ARID1B: variants seen among roughly 807,000 people sequenced by gnomAD.
ARID1B encodes the protein AT-rich interactive domain-containing protein 1B.
In ARID1B, 30 loss-of-function variants were observed where a neutral mutation model predicts 212.3. The ratio of observed to expected loss-of-function variants is 0.14; its 90% CI spans 0.11 to 0.19. ARID1B has a LOEUF of 0.19. Among genes scored for constraint, ARID1B ranks in the 10% least tolerant of loss-of-function variants. The pLI, the probability that ARID1B is intolerant of heterozygous loss-of-function variation, is 1.00. For missense variants in ARID1B, 2,891 were observed against 3,204.0 expected, an observed-to-expected ratio of 0.90 and a Z score of 2.36; for synonymous variants, 1,402 against 1,301.7, an observed-to-expected ratio of 1.08 and a Z score of -1.66.
chr6:157,057,183 A>T (rs1783020242), intron 4 of ARID1B, among the ~76,000 whole-genome samples: 1 of 151,632 alleles, frequency 6.6e-6, no homozygotes, highest in Non-Finnish European at 1.5e-5. Flanking sequence ...TTTTTATTAG[A>T]GATGGGTTTT....
At chr6:156,807,138 A>ACCC (rs58976876) in intron 1 of ARID1B, among the ~76,000 whole-genome samples, 1 of 146,412 alleles carries the variant, frequency 6.8e-6, no homozygotes, top group African/African-American at 2.5e-5. Flanking sequence ...AGTATTGTGC[A>ACCC]CCCCCCCACG....
At chr6:156,889,028 A>G (rs1787731527) in intron 2 of ARID1B, among the ~76,000 whole-genome samples, 1 of 152,152 alleles carries the variant, frequency 6.6e-6, no homozygotes, top group African/African-American at 2.4e-5. Context: ...ATATTATTAT[A>G]TCAATAAGGC....
In ARID1B at chr6:157,207,852, T is replaced by C. The variant is rs760120788; in HGVS notation, c.7080T>C (p.Ser2360=). 5.9e-6 allele frequency: 9 copies of C among 1,514,924 alleles called. No homozygotes were observed. The South Asian group carries it at 1.2e-4, about 20-fold the overall frequency. The allele number at this position is 1,514,924 out of a possible 1,614,324, so 93.8% of individuals were successfully genotyped here. ...CTGTCCTGAACTCTCTGGTTGCATCTGTCATCTGTGATGTACTGTTTCAGA... is the reference window on the plus strand; with the variant it reads ...CTGTCCTGAACTCTCTGGTTGCATCCGTCATCTGTGATGTACTGTTTCAGA... ...ISAVLNSLVA[S]VICDVLFQIG... Residue 2360 remains serine (S), a synonymous_variant, in exon 20 of 20, where the codon TCT becomes TCC. Transcript: ENST00000636930. The surrounding 1 kb of genome is among the most constrained non-coding windows in gnomAD (Gnocchi z 8.5).
intron 1 of ARID1B, among the ~76,000 whole-genome samples, chr6:156,795,321 T>C (rs2115257199): frequency 6.6e-6 from 1 of 151,606 alleles, no homozygotes; most frequent in Non-Finnish European, 1.5e-5. Flanking sequence ...TCCGAGGAAG[T>C]GGGAAGAGAG....
At chr6:157,083,812 A>G (rs76986646) in intron 4 of ARID1B, among the ~76,000 whole-genome samples, 4,977 of 152,236 alleles carry the variant, frequency 0.033, 269 homozygotes, top group African/African-American at 0.11. Context: ...TACACACATT[A>G]TTATTTTCTT....
At chr6:156,909,136 T>C (rs2128223277) in intron 3 of ARID1B, among the ~76,000 whole-genome samples, 1 of 144,332 alleles carries the variant, frequency 6.9e-6, no homozygotes, top group South Asian at 2.3e-4. Flanking sequence ...TTTTTTTTTT[T>C]TTTTTTTGAG....
chr6:156,889,246 A>C lies in ARID1B; in HGVS notation c.1987-12130A>C, dbSNP rs562062238. On this transcript the variant is annotated intron_variant, in intron 2 of 19. Coordinates refer to ENST00000636930, the MANE Select transcript of ARID1B (RefSeq NM_001374828.1). ...AGATTTGTCATCCCTTGTATTAAAC[A>C]AATGCTCTTCTCTCAGAAGCTGCGG... Among the ~76,000 whole-genome samples, 72 of 152,364 alleles carry C rather than the reference A, an allele frequency of 4.7e-4. 1 individual carries two copies. The South Asian group carries it at 0.014, about 31-fold the overall frequency.
chr6:156,938,078 G>A (rs1403171582), intron 4 of ARID1B: 1 of 151,846 alleles, frequency 6.6e-6, no homozygotes, highest in South Asian at 2.1e-4. Context: ...CAATCTGTTA[G>A]GATGAAATTT....
At chr6:157,060,414 A>G (rs942351605) in intron 4 of ARID1B, among the ~76,000 whole-genome samples, 2 of 152,322 alleles carry the variant, frequency 1.3e-5, no homozygotes, top group African/African-American at 4.8e-5. Flanking sequence ...AAACACGAAC[A>G]TTACATACTT....
At chr6:157,202,581 G>C (rs1216358516) in intron 18 of ARID1B, among the ~76,000 whole-genome samples, 1 of 151,964 alleles carries the variant, frequency 6.6e-6, no homozygotes, top group Non-Finnish European at 1.5e-5. Flanking sequence ...CAGCTATTCA[G>C]GAGGCTGAGG....
At chr6:156,906,464 G>A (rs1277872369) in intron 3 of ARID1B, among the ~76,000 whole-genome samples, 1 of 137,372 alleles carries the variant, frequency 7.3e-6, no homozygotes, top group African/African-American at 2.7e-5. Flanking sequence ...AGAATCGCTT[G>A]AACCCGGGAG....
intron 6 of ARID1B, among the ~76,000 whole-genome samples, chr6:157,112,842 G>A (rs564471300): frequency 2.0e-5 from 3 of 151,980 alleles, no homozygotes; most frequent in East Asian, 1.9e-4. Flanking sequence ...TTTTTCCTTC[G>A]ATTGCCTTTA....
chr6:157,105,380 G>A lies in ARID1B; in HGVS notation c.2492-5092G>A, dbSNP rs74827893. Among the ~76,000 whole-genome samples, 1,269 of 151,974 alleles carry A rather than the reference G, an allele frequency of 8.4e-3. 26 individuals are homozygous for A. Among genetic ancestry groups the A allele is most frequent in the African/African-American group, 0.029 (1,198 of 41,424 alleles). ...CCGTAAGCAAAACTAAAAGACAACT[G>A]ACAAACTAGGAGAAGATATTCACAA... is the stretch of plus-strand genomic sequence containing the variant. On this transcript the variant is annotated intron_variant, in intron 5 of 19. Transcript: ENST00000636930.
intron 4 of ARID1B, among the ~76,000 whole-genome samples, chr6:156,970,091 G>T (rs1243552105): frequency 6.6e-6 from 1 of 151,488 alleles, no homozygotes; most frequent in African/African-American, 2.4e-5. Context: ...GTTTTGTTTT[G>T]TTTTTTGAGA....
At position 157,208,088 on chromosome 6, in the gene ARID1B, T is replaced by C. The variant is rs1210416652; in HGVS notation, c.*197T>C. ...ATGAAATTAATATTTGCTGTCTGTG[T>C]GTATAAGTACATCCTTTGGGGTTTT... On this transcript the variant is annotated 3_prime_UTR_variant, in exon 20 of 20. Transcript: ENST00000636930. The C allele has an allele frequency of 1.7e-6, 1 of 580,510 alleles. No individual in the cohort carries two copies. Among genetic ancestry groups the C allele is most frequent in the African/African-American group, 1.9e-5 (1 of 51,676 alleles). 36.0% of individuals were successfully genotyped at this position (580,510 alleles called of 1,614,324 possible).
At position 157,208,406 on chromosome 6, in the gene ARID1B, G is replaced by A. The variant is rs1466770316; in HGVS notation, c.*515G>A. Reference sequence around the variant, plus strand: ...TGCAATAGAAATTTCTACAGATACAGGTATAGGGGCTCAAGGAGGTATGTC... The same window carrying A: ...TGCAATAGAAATTTCTACAGATACAAGTATAGGGGCTCAAGGAGGTATGTC... On this transcript the variant is annotated 3_prime_UTR_variant, in exon 20 of 20. Coordinates refer to ENST00000636930, the MANE Select transcript of ARID1B (RefSeq NM_001374828.1). 1.7e-5 allele frequency: 4 copies of A among 233,418 alleles called. No homozygotes were observed. The highest frequency in any genetic ancestry group is 1.2e-3 in the Middle Eastern group (1 of 804). The allele number at this position is 233,418 out of a possible 1,614,324, so 14.5% of individuals were successfully genotyped here.
intron 2 of ARID1B, among the ~76,000 whole-genome samples, chr6:156,887,171 A>T (rs1436276079): frequency 6.6e-6 from 1 of 152,192 alleles, no homozygotes; most frequent in Non-Finnish European, 1.5e-5. Context: ...TGTCCTAGGT[A>T]ATAGGGACAA....
At chr6:157,174,748 TA>T (rs769830728) in intron 10 of ARID1B, 98 bp from the exon 11 acceptor site, 13 of 401,794 alleles carry the variant, frequency 3.2e-5, no homozygotes, top group Admixed American at 1.4e-4. Flanking sequence ...ATAATATATA[TA>T]AAAAAATTAG....
In ARID1B at chr6:156,777,803, G is replaced by A; in HGVS notation, c.123G>A (p.Glu41=). ...CGGCGCCCGGAGCCCGGGACCTGGA[G>A]GCGGGGGCGCGCGGCGCGGCGGCGG... The part of the protein sequence containing the change: ...PRPAPGARDL[E]AGARGAAAAA... The change falls in exon 1 of 20, where the codon GAG becomes GAA. Residue 41 remains glutamate (E), a synonymous_variant. Coordinates refer to ENST00000636930, the MANE Select transcript of ARID1B (RefSeq NM_001374828.1). 1.0e-6 allele frequency: 1 copy of A among 972,516 alleles called. No homozygotes were observed. Among genetic ancestry groups the A allele is most frequent in the Non-Finnish European group, 1.2e-6 (1 of 820,056 alleles). 60.2% of individuals were successfully genotyped at this position (972,516 alleles called of 1,614,324 possible).
Sources: gnomAD v4.1 joint callset for allele counts (sites outside exome capture counted in the v4.1 genomes callset) on GRCh38, gnomAD v4.1.1 for gene constraint, Gnocchi (gnomAD v3.1) non-coding constraint, MANE v1.5 for transcripts, NCBI Gene and HGNC (gene_info 2026-07-23, HGNC 2026-07-21) for gene names.